XKR5: variants seen among roughly 807,000 people sequenced by gnomAD.
The protein encoded by XKR5 is XK related 5.
XKR5 carries 46 observed loss-of-function variants against 40.8 expected under a neutral mutation model. That is an observed-to-expected ratio of 1.13 (90% CI 0.89 to 1.44). The LOEUF is 1.44. Among genes scored for constraint, XKR5 ranks in the 40% most tolerant of loss-of-function variants. The pLI, the probability that XKR5 is intolerant of heterozygous loss-of-function variation, is 0.00. For synonymous variants in XKR5, 466 were observed against 356.1 expected (o/e 1.31, Z -3.48); for missense variants, 1,169 against 844.7 (o/e 1.38, Z -4.76).
intron 2 of XKR5, among the ~76,000 whole-genome samples, chr8:6,827,355 C>T (rs146386818): frequency 7.0e-4 from 107 of 152,294 alleles, no homozygotes; most frequent in African/African-American, 9.6e-4. Flanking sequence ...GGATGCATCT[C>T]GAAGGTCACC....
At chr8:6,812,438 G>A in intron 6 of XKR5, 99 bp from the exon 7 acceptor site, 1 of 1,257,358 alleles carries the variant, frequency 8.0e-7, no homozygotes, top group Non-Finnish European at 1.1e-6. Context: ...TGTAGAGGAA[G>A]ATAATTTGGG....
chr8:6,814,878 C>T (rs1032995907), intron 6 of XKR5, among the ~76,000 whole-genome samples: 21 of 152,214 alleles, frequency 1.4e-4, no homozygotes, highest in African/African-American at 4.6e-4. Flanking sequence ...CAGGTCATTC[C>T]TTTCCCAGGT....
chr8:6,813,936 T>C (rs1398752111), intron 6 of XKR5, among the ~76,000 whole-genome samples: 1 of 152,128 alleles, frequency 6.6e-6, no homozygotes, highest in Non-Finnish European at 1.5e-5. Flanking sequence ...GAGGGGACAT[T>C]TTCCCTCCCA....
At chr8:6,834,595 C>T (rs971695244) in intron 1 of XKR5, among the ~76,000 whole-genome samples, 2 of 152,218 alleles carry the variant, frequency 1.3e-5, no homozygotes, top group Admixed American at 6.5e-5. Flanking sequence ...GCTCGGCGCG[C>T]CTCGGAAGCA....
intron 5 of XKR5, among the ~76,000 whole-genome samples, chr8:6,819,561 G>C (rs1489273530): frequency 6.6e-6 from 1 of 152,208 alleles, no homozygotes; most frequent in Non-Finnish European, 1.5e-5. Flanking sequence ...GTGCCACGGA[G>C]CCAGGGCTGC....
At chr8:6,825,038 G>A in intron 3 of XKR5, 127 bp downstream of exon 3, 1 of 1,078,966 alleles carries the variant, frequency 9.3e-7, no homozygotes, top group South Asian at 1.6e-5. Context: ...CTGTGCCAGT[G>A]AGCTCAAGGT....
chr8:6,821,021 T>C (rs780371776), intron 5 of XKR5, among the ~76,000 whole-genome samples: 2 of 152,218 alleles, frequency 1.3e-5, no homozygotes, highest in Non-Finnish European at 2.9e-5. Context: ...GAAGAGTATG[T>C]AGATCTTATT....
At chr8:6,818,851 C>T (rs893415736) in intron 5 of XKR5, among the ~76,000 whole-genome samples, 5 of 152,220 alleles carry the variant, frequency 3.3e-5, no homozygotes, top group Admixed American at 2.0e-4. Flanking sequence ...CACTGCCAGG[C>T]GGTGGCCTGT....
At chr8:6,814,776 C>A (rs905401256) in intron 6 of XKR5, among the ~76,000 whole-genome samples, 3 of 152,178 alleles carry the variant, frequency 2.0e-5, no homozygotes, top group African/African-American at 7.2e-5. Context: ...CCCAGGGTGG[C>A]CTGTGGCTCT....
intron 2 of XKR5, among the ~76,000 whole-genome samples, chr8:6,832,014 C>CAAAAA (rs34490284): frequency 4.0e-4 from 18 of 44,870 alleles, no homozygotes; most frequent in East Asian, 1.2e-3. Context: ...GACTCCATCT[C>CAAAAA]AAAAAAAAAA....
rs575332796 is a variant in XKR5 at position 6,815,884 on chromosome 8, A to C, written c.842T>G (p.Leu281Trp). 6.2e-7 allele frequency: 1 copy of C among 1,604,038 alleles called. No homozygotes were observed. Among genetic ancestry groups the C allele is most frequent in the African/African-American group, 1.3e-5 (1 of 74,786 alleles). Reference sequence around the variant, plus strand: ...TGCCCCCTGGAGAAAGTCGGTGGCCAACAGCAACAGGATGATGTTCTCCAA... The same window carrying C: ...TGCCCCCTGGAGAAAGTCGGTGGCCCACAGCAACAGGATGATGTTCTCCAA... ...MLLENIILLL[L>W]ATDFLQGASW... Residue 281 changes from leucine to tryptophan, a missense_variant, in exon 6 of 7, where the codon TTG becomes TGG. Coordinates refer to ENST00000618742, the MANE Select transcript of XKR5 (RefSeq NM_207411.5).
At chr8:6,834,739 A>G (rs1051564326) in intron 1 of XKR5, among the ~76,000 whole-genome samples, 1 of 152,114 alleles carries the variant, frequency 6.6e-6, no homozygotes, top group African/African-American at 2.4e-5. Flanking sequence ...GTGGGCGGAG[A>G]CGCTCCTCCC....
chr8:6,834,617 G>T (rs968921916), intron 1 of XKR5, among the ~76,000 whole-genome samples: 20 of 151,952 alleles, frequency 1.3e-4, no homozygotes, highest in African/African-American at 4.9e-4. Flanking sequence ...CGGGACCTGC[G>T]GGGACGCCCG....
rs1253410068 is a variant in XKR5, at chr8:6,811,898, T to G, written c.1361A>C (p.Glu454Ala). 6.5e-7 allele frequency: 1 copy of G among 1,537,406 alleles called. No individual in the cohort carries two copies. The highest frequency in any genetic ancestry group is 8.7e-7 in the Non-Finnish European group (1 of 1,146,948). Reference protein sequence around the residue: ...LQRKALSAQQELPSSSRDPST... With the variant: ...LQRKALSAQQALPSSSRDPST... ...GGGGTCACGGGATGAGGATGGGAGC[T>G]CTTGCTGGGCAGACAAGGCCTTTCT... The change falls in exon 7 of 7, where the codon GAG becomes GCG. Residue 454 changes from glutamate to alanine, a missense_variant. Coordinates refer to ENST00000618742, the MANE Select transcript of XKR5 (RefSeq NM_207411.5).
At position 6,811,650 on chromosome 8, in the gene XKR5, G is replaced by C. The variant is rs768794541; in HGVS notation, c.1609C>G (p.Gln537Glu). Residue 537 changes from glutamine to glutamate, a missense_variant, in exon 7 of 7, where the codon CAG (glutamine) becomes GAG (glutamate). Transcript: ENST00000618742. ...CTGAAGTACAACGTGGAACTCTGCT[G>C]TCCTTCCCCTCCTCTCTGCTGCCCA... is the stretch of plus-strand genomic sequence containing the variant. ...TGGQQRGGEG[Q>E]QSSTLYFSAT... The C allele has an allele frequency of 2.0e-5, 30 of 1,537,494 alleles. No individual in the cohort carries two copies. Among genetic ancestry groups the C allele is most frequent in the Non-Finnish European group, 2.4e-5 (27 of 1,147,020 alleles).
At chr8:6,835,237 G>C (rs925773887) in intron 1 of XKR5, among the ~76,000 whole-genome samples, 199 bp downstream of exon 1, 1 of 152,042 alleles carries the variant, frequency 6.6e-6, no homozygotes, top group African/African-American at 2.4e-5. Context: ...TGGGGGGATG[G>C]TGCATGCGTG....
Position 6,823,567 on chromosome 8 carries a change from C to A in XKR5, c.591G>T (p.Leu197=). The A allele has an allele frequency of 2.5e-6, 4 of 1,596,824 alleles. No homozygotes were observed. The highest frequency in any genetic ancestry group is 3.4e-6 in the Non-Finnish European group (4 of 1,171,736). ...AGTGGTAGGCTTTGTAGAACAGAAC[C>A]AGACTCAGCACGCGGGTTCCCAACA... ...MGMLGTRVLS[L]VLFYKAYHFW... The change falls in exon 4 of 7, where the codon CTG becomes CTT. Residue 197 remains leucine (L), a synonymous_variant. Transcript: ENST00000618742.
At chr8:6,813,705 GCTGCCCGTGGCTATGGGCTCCCTACTCA>G (rs1803838299) in intron 6 of XKR5, among the ~76,000 whole-genome samples, 1 of 152,148 alleles carries the variant, frequency 6.6e-6, no homozygotes, top group African/African-American at 2.4e-5. Context: ...GGTGCTGAGT[GCTGCCCGTGGCTATGGGCTCCCTACTCA>G]CTGCCCGTGG....
intron 5 of XKR5, among the ~76,000 whole-genome samples, chr8:6,816,740 TA>T (rs1430897551): frequency 1.4e-5 from 2 of 147,654 alleles, no homozygotes; most frequent in African/African-American, 4.9e-5. Flanking sequence ...TATATTTTAA[TA>T]TATTTAATAT....
Sources: gnomAD v4.1 joint callset for allele counts (sites outside exome capture counted in the v4.1 genomes callset) on GRCh38, gnomAD v4.1.1 for gene constraint, MANE v1.5 for transcripts, NCBI Gene and HGNC (gene_info 2026-07-23, HGNC 2026-07-21) for gene names.